The following CMIP variants were observed in gnomAD, a reference collection of about 807,000 sequenced individuals.
CMIP encodes the protein c-Maf inducing protein, also known as C-Maf-inducing protein.
Under a neutral mutation model 97.3 loss-of-function variants are expected in CMIP, and 13 were observed. That is an observed-to-expected ratio of 0.13 (90% CI 0.09 to 0.21). The LOEUF is 0.21. Ranked by LOEUF, CMIP falls within the 10% of genes least tolerant of loss-of-function variation. The pLI is 1.00. For synonymous variants in CMIP, 538 were observed against 436.3 expected (o/e 1.23, Z -2.91); for missense variants, 847 against 1,024.9 (o/e 0.83, Z 2.37).
Position 81,696,574 on chromosome 16 carries a change from G to A in CMIP, c.1545G>A (p.Leu515=). Residue 515 remains leucine (L), a synonymous_variant, in exon 14 of 21, where the codon CTG becomes CTA. Transcript: ENST00000537098. ...TTGTCTGGCAGGTCCACTCATGCCT[G>A]CTGAGCGTGCGGGCCGGCAAAGATG... ...EDPRQEVHSC[L]LSVRAGKDGW... 6.2e-7 allele frequency: 1 copy of A among 1,605,122 alleles called. No individual in the cohort carries two copies. Among genetic ancestry groups the A allele is most frequent in the Non-Finnish European group, 8.5e-7 (1 of 1,179,726 alleles).
intron 1 of CMIP, among the ~76,000 whole-genome samples, chr16:81,446,439 T>TG (rs1241095269): frequency 9.6e-6 from 1 of 104,622 alleles, no homozygotes; most frequent in Non-Finnish European, 1.9e-5. Context: ...GAGGGGAGAG[T>TG]GGGGGTGGCG....
chr16:81,682,616 G>A (rs1259773414), intron 10 of CMIP, among the ~76,000 whole-genome samples: 1 of 152,164 alleles, frequency 6.6e-6, no homozygotes, highest in Admixed American at 6.6e-5. Flanking sequence ...GTCTTAAAGA[G>A]GACGTTGCCA....
intron 4 of CMIP, among the ~76,000 whole-genome samples, chr16:81,656,468 G>T (rs1432900714): frequency 2.0e-5 from 3 of 152,176 alleles, no homozygotes; most frequent in Non-Finnish European, 4.4e-5. Context: ...CACCAAAACA[G>T]ACAAGCAAAG....
Position 81,709,807 on chromosome 16 carries a change from A to G in CMIP, c.*8A>G, listed in dbSNP as rs1312386388. On this transcript the variant is annotated 3_prime_UTR_variant, in exon 21 of 21. Coordinates refer to ENST00000537098, the MANE Select transcript of CMIP (RefSeq NM_198390.3). Reference sequence around the variant, plus strand: ...TACACCGAAGCCTGGTGAAGCTCCCAGCTCAAGGCAGGAAGACGTTTGCAA... The same window carrying G: ...TACACCGAAGCCTGGTGAAGCTCCCGGCTCAAGGCAGGAAGACGTTTGCAA... 1 of 1,613,844 alleles carries G rather than the reference A, an allele frequency of 6.2e-7. No individual in the cohort carries two copies. Among genetic ancestry groups the G allele is most frequent in the South Asian group, 1.1e-5 (1 of 91,050 alleles).
chr16:81,610,526 C>T, intron 2 of CMIP: 1 of 985,560 alleles, frequency 1.0e-6, no homozygotes, highest in Non-Finnish European at 1.2e-6. Flanking sequence ...AACCCTTCCC[C>T]CAAGGGGAAC....
chr16:81,548,280 C>G (rs1394188086), intron 1 of CMIP, among the ~76,000 whole-genome samples: 1 of 152,034 alleles, frequency 6.6e-6, no homozygotes, highest in Non-Finnish European at 1.5e-5. Flanking sequence ...ACTACAGGCA[C>G]AGGCCACCAC....
chr16:81,455,125 G>A (rs557189364), intron 1 of CMIP, among the ~76,000 whole-genome samples: 158 of 152,346 alleles, frequency 1.0e-3, no homozygotes, highest in Non-Finnish European at 1.5e-3. Context: ...GCTTTACGAT[G>A]CAGAGAGACT....
At chr16:81,605,526 C>T (rs1048023727) in intron 1 of CMIP, among the ~76,000 whole-genome samples, 1 of 152,074 alleles carries the variant, frequency 6.6e-6, no homozygotes, top group African/African-American at 2.4e-5. Flanking sequence ...TGGGAGGAAT[C>T]CCTGAGCCCC....
chr16:81,567,819 C>G (rs754484773), intron 1 of CMIP, among the ~76,000 whole-genome samples: 3 of 152,198 alleles, frequency 2.0e-5, no homozygotes, highest in African/African-American at 7.2e-5. Flanking sequence ...CTTGTTTATT[C>G]TGTTCACTGC....
chr16:81,579,201 A>G (rs1462333397), intron 1 of CMIP, among the ~76,000 whole-genome samples: 2 of 152,168 alleles, frequency 1.3e-5, no homozygotes, highest in Admixed American at 6.5e-5. Context: ...GTTACTTCTT[A>G]ACAATGAGGA....
chr16:81,467,440 G>A (rs929596673), intron 1 of CMIP, among the ~76,000 whole-genome samples: 2 of 152,182 alleles, frequency 1.3e-5, no homozygotes, highest in East Asian at 1.9e-4. Context: ...AAGGCCTCCT[G>A]TGAGAAGATG....
intron 9 of CMIP, among the ~76,000 whole-genome samples, chr16:81,676,000 G>A (rs1421736537): frequency 6.6e-6 from 1 of 152,192 alleles, no homozygotes; most frequent in Non-Finnish European, 1.5e-5. Flanking sequence ...TCCACAGTGG[G>A]TTGTAAGTGG....
At chr16:81,656,478 GCAGAA>G (rs1174437097) in intron 4 of CMIP, among the ~76,000 whole-genome samples, 1 of 152,202 alleles carries the variant, frequency 6.6e-6, no homozygotes, top group Non-Finnish European at 1.5e-5. Flanking sequence ...GACAAGCAAA[GCAGAA>G]CACACCACGA....
intron 1 of CMIP, among the ~76,000 whole-genome samples, chr16:81,541,707 G>T (rs551690498): frequency 2.8e-4 from 42 of 152,272 alleles, no homozygotes; most frequent in Admixed American, 1.4e-3. Flanking sequence ...CCGATGTTGT[G>T]GGTGAGAGAA....
At chr16:81,645,321 C>A in intron 3 of CMIP, 1 of 1,336,400 alleles carries the variant, frequency 7.5e-7, no homozygotes, top group Non-Finnish European at 9.7e-7. Context: ...AGCGTCCTCT[C>A]TTCACGACAG....
chr16:81,487,482 G>A lies in CMIP; in HGVS notation c.300+41941G>A, dbSNP rs954747839. On this transcript the variant is annotated intron_variant, in intron 1 of 20. Transcript: ENST00000537098. Reference sequence around the variant, plus strand: ...GTTCTGAGCCTGTGGCCTGCCAAGCGGGCCGGCTTGGCGGGAATGGGCAGG... The same window carrying A: ...GTTCTGAGCCTGTGGCCTGCCAAGCAGGCCGGCTTGGCGGGAATGGGCAGG... Among the ~76,000 whole-genome samples the A allele has an allele frequency of 2.4e-4, 36 of 152,178 alleles. 1 individual carries two copies. The highest frequency in any genetic ancestry group is 2.1e-3 in the Admixed American group (32 of 15,282).
At chr16:81,505,668 TCTCTC>T (rs1217813242) in intron 1 of CMIP, among the ~76,000 whole-genome samples, 3 of 152,168 alleles carry the variant, frequency 2.0e-5, no homozygotes, top group African/African-American at 2.4e-5. Context: ...TCTCTTTGAG[TCTCTC>T]CTCAGTGAAA....
intron 1 of CMIP, chr16:81,475,970 G>C (rs917463376): frequency 1.9e-5 from 9 of 469,422 alleles, no homozygotes; most frequent in South Asian, 9.5e-5. Context: ...GTGGGTGACA[G>C]AGTGAGACTC....
chr16:81,578,565 C>A (rs920901177), intron 1 of CMIP, among the ~76,000 whole-genome samples: 4 of 152,218 alleles, frequency 2.6e-5, no homozygotes, highest in African/African-American at 4.8e-5. Context: ...AGAGAGCTGT[C>A]CTTGTGAATT....
Sources: gnomAD v4.1 joint callset for allele counts (sites outside exome capture counted in the v4.1 genomes callset) on GRCh38, gnomAD v4.1.1 for gene constraint, MANE v1.5 for transcripts, NCBI Gene and HGNC (gene_info 2026-07-23, HGNC 2026-07-21) for gene names.